The following SCN3B variants were observed in gnomAD, a reference collection of about 807,000 sequenced individuals.
The protein encoded by SCN3B is sodium channel regulatory subunit beta-3.
A neutral mutation model predicts 25.4 loss-of-function variants in SCN3B; 11 were observed. The ratio of observed to expected loss-of-function variants is 0.43; its 90% CI spans 0.27 to 0.72. SCN3B has a LOEUF of 0.72. SCN3B is among the 30% of genes least tolerant of loss of function. SCN3B has a pLI of 0.18. For missense variants in SCN3B, 218 were observed against 278.3 expected (o/e 0.78, Z 1.54); for synonymous variants, 109 against 110.7 (o/e 0.99, Z 0.09).
rs1955681959 is a variant in SCN3B, at chr11:123,632,333, G to A, written c.*1466C>T. ...TTTTGGAGGATATTTCAGAGTCACA[G>A]ATCTTTACATAAAGGAAGTTCTTTA... On this transcript the variant is annotated 3_prime_UTR_variant, in exon 7 of 7. Coordinates refer to ENST00000299333, the MANE Select transcript of SCN3B (RefSeq NM_001040151.2). 6.6e-6 allele frequency: 1 copy of A among 152,138 alleles called. No homozygotes were observed. The highest frequency in any genetic ancestry group is 6.5e-5 in the Admixed American group (1 of 15,272). 9.4% of individuals were successfully genotyped at this position (152,138 alleles called of 1,614,324 possible). A position where few individuals can be genotyped will look rare whatever the true frequency, so the allele number is the denominator to read the frequency against.
intron 3 of SCN3B, among the ~76,000 whole-genome samples, chr11:123,644,884 C>T (rs1955837489): frequency 6.8e-6 from 1 of 147,834 alleles, no homozygotes. Context: ...TATATATATA[C>T]ACACACATAT....
intron 3 of SCN3B, among the ~76,000 whole-genome samples, chr11:123,644,805 ATATAT>A (rs1189603456): frequency 1.2e-3 from 43 of 36,620 alleles, no homozygotes; most frequent in African/African-American, 6.4e-3. Flanking sequence ...GAGAGAATAT[ATATAT>A]ATATATATAT....
intron 2 of SCN3B, among the ~76,000 whole-genome samples, chr11:123,652,233 T>G (rs1182308826): frequency 6.6e-6 from 1 of 152,182 alleles, no homozygotes; most frequent in East Asian, 1.9e-4. Context: ...AGCCTTAGCC[T>G]CCCCTGAGAA....
chr11:123,653,151 C>CAAA (rs3884445), intron 2 of SCN3B, among the ~76,000 whole-genome samples: 20,848 of 144,004 alleles, frequency 0.14, 1,547 homozygotes, highest in Admixed American at 0.21. Context: ...ACAAACAAAC[C>CAAA]AAAAAAAAAA....
chr11:123,644,978 T>C (rs550335334), intron 3 of SCN3B, among the ~76,000 whole-genome samples: 5 of 151,940 alleles, frequency 3.3e-5, no homozygotes, highest in Admixed American at 6.6e-5. Context: ...CTCCCAGCTC[T>C]GCCAGGAGCG....
chr11:123,641,465 G>A (rs1955790737), intron 4 of SCN3B, among the ~76,000 whole-genome samples: 1 of 152,190 alleles, frequency 6.6e-6, no homozygotes, highest in South Asian at 2.1e-4. Flanking sequence ...GAATAAACCT[G>A]TGGCCTGGAG....
intron 3 of SCN3B, among the ~76,000 whole-genome samples, chr11:123,644,650 A>C (rs1955826084): frequency 6.6e-6 from 1 of 151,744 alleles, no homozygotes; most frequent in African/African-American, 2.4e-5. Context: ...TGGTGCCTAT[A>C]GTCCCAGCTA....
rs574086765 is a variant in SCN3B at position 123,645,718 on chromosome 11, G to T, written c.88C>A (p.Pro30Thr). Residue 30 changes from proline (P) to threonine (T), a missense_variant, in exon 3 of 7, where the codon CCC becomes ACC. Transcript: ENST00000299333. ...SVCFPVCVEVPSETEAVQGNP... is the reference protein window; with the variant it reads ...SVCFPVCVEVTSETEAVQGNP... ...CCCTGCACGGCCTCCGTCTCCGAGG[G>T]CACTTCCACACACACAGGGAAGCAG... The T allele has an allele frequency of 6.2e-7, 1 of 1,614,134 alleles. No individual in the cohort carries two copies. The highest frequency in any genetic ancestry group is 8.5e-7 in the Non-Finnish European group (1 of 1,180,028).
intron 3 of SCN3B, among the ~76,000 whole-genome samples, chr11:123,645,074 T>C (rs1182523373): frequency 6.6e-6 from 1 of 151,894 alleles, no homozygotes; most frequent in Non-Finnish European, 1.5e-5. Flanking sequence ...GAGAGAACTG[T>C]TTGACATAAT....
intron 1 of SCN3B, 77 bp downstream of exon 1, chr11:123,654,149 C>A (rs905898896): frequency 4.6e-6 from 2 of 434,036 alleles, no homozygotes; most frequent in Admixed American, 7.0e-5. Context: ...CGTTTGCGCC[C>A]AGGGTAAGCT....
intron 2 of SCN3B, among the ~76,000 whole-genome samples, chr11:123,648,773 AGT>A (rs960126517): frequency 2.0e-4 from 30 of 152,316 alleles, no homozygotes; most frequent in South Asian, 1.2e-3. Context: ...GGCCCAAAGG[AGT>A]GTGTTTGTCA....
rs1955650152 is a variant in SCN3B, at chr11:123,630,040, G to C, written c.*3759C>G. 1 of 152,148 alleles carries C rather than the reference G, an allele frequency of 6.6e-6. No homozygotes were observed. The highest frequency in any genetic ancestry group is 2.4e-5 in the African/African-American group (1 of 41,422). 9.4% of individuals were successfully genotyped at this position (152,148 alleles called of 1,614,324 possible). Reference sequence around the variant, plus strand: ...AATAATTTTGGGGAGAGAGGAGGGAGTTGCTGTCTCCTACTTCCCAGCACA... The same window carrying C: ...AATAATTTTGGGGAGAGAGGAGGGACTTGCTGTCTCCTACTTCCCAGCACA... On this transcript the variant is annotated 3_prime_UTR_variant, in exon 7 of 7. Coordinates refer to ENST00000299333, the MANE Select transcript of SCN3B (RefSeq NM_001040151.2).
In SCN3B at chr11:123,642,166, G is replaced by A. The variant is rs540059766; in HGVS notation, c.445+280C>T. ...TGAATCAGTAGCTTTAGGCCTCATGGAGGCTAGCCTCTTTCTCTAAGGGAC... is the reference window on the plus strand; with the variant it reads ...TGAATCAGTAGCTTTAGGCCTCATGAAGGCTAGCCTCTTTCTCTAAGGGAC... On this transcript the variant is annotated intron_variant, in intron 4 of 6. Coordinates refer to ENST00000299333, the MANE Select transcript of SCN3B (RefSeq NM_001040151.2). This position sits in a 1 kb window ranked among gnomAD's most constrained non-coding sequence, Gnocchi z 4.3. 6.6e-6 allele frequency among the ~76,000 whole-genome samples: 1 copy of A among 152,302 alleles called. No homozygotes were observed. The highest frequency in any genetic ancestry group is 6.5e-5 in the Admixed American group (1 of 15,306).
chr11:123,646,603 T>C (rs28500703), intron 2 of SCN3B, among the ~76,000 whole-genome samples: 24,562 of 152,066 alleles, frequency 0.16, 2,056 homozygotes, highest in Admixed American at 0.22. Context: ...TGGAGCGGGG[T>C]CAGATTGTGG....
At position 123,629,796 on chromosome 11, in the gene SCN3B, T is replaced by C. The variant is rs1013892239; in HGVS notation, c.*4003A>G. ...AATTAGGGATTTTTCATTTACAAAA[T>C]GAGGTGAGAGGAAGGCTTCTTTTGT... On this transcript the variant is annotated 3_prime_UTR_variant, in exon 7 of 7. Transcript: ENST00000299333. The C allele has an allele frequency of 1.8e-4, 28 of 152,332 alleles. No homozygotes were observed. Among genetic ancestry groups the C allele is most frequent in the African/African-American group, 6.0e-4 (25 of 41,558 alleles). The allele number at this position is 152,332 out of a possible 1,614,324, so 9.4% of individuals were successfully genotyped here.
intron 5 of SCN3B, among the ~76,000 whole-genome samples, chr11:123,635,343 G>A (rs543775343): frequency 5.3e-5 from 8 of 152,026 alleles, no homozygotes; most frequent in South Asian, 2.1e-4. Flanking sequence ...TGTCCATTTC[G>A]TATGCCTGTG....
Position 123,648,433 on chromosome 11 carries a change from G to A in SCN3B, c.56-2683C>T, listed in dbSNP as rs527578555. Among the ~76,000 whole-genome samples the A allele has an allele frequency of 1.3e-4, 20 of 152,232 alleles. No homozygotes were observed. The South Asian group carries it at 2.9e-3, about 22-fold the overall frequency. ...CATTATTCATGTTATTCTATCTTTC[G>A]TTTATTTCCCAAATATACTGAGTGC... On this transcript the variant is annotated intron_variant, in intron 2 of 6. Coordinates refer to ENST00000299333, the MANE Select transcript of SCN3B (RefSeq NM_001040151.2).
intron 5 of SCN3B, among the ~76,000 whole-genome samples, chr11:123,636,698 G>GT (rs60450932): frequency 6.0e-4 from 88 of 147,422 alleles, no homozygotes; most frequent in Middle Eastern, 3.5e-3. Context: ...GTTCTATTCT[G>GT]TTTTTTTTTT....
intron 2 of SCN3B, among the ~76,000 whole-genome samples, chr11:123,649,972 G>A (rs546010888): frequency 1.4e-4 from 22 of 152,142 alleles, no homozygotes; most frequent in Admixed American, 3.9e-4. Context: ...CCAAAGTGCC[G>A]GGATTACAGA....
Sources: gnomAD v4.1 joint callset for allele counts (sites outside exome capture counted in the v4.1 genomes callset) on GRCh38, gnomAD v4.1.1 for gene constraint, Gnocchi (gnomAD v3.1) non-coding constraint, MANE v1.5 for transcripts, NCBI Gene and HGNC (gene_info 2026-07-23, HGNC 2026-07-21) for gene names.